CA10: variants seen among roughly 807,000 people sequenced by gnomAD.
CA10 encodes carbonic anhydrase 10 (inactive).
CA10 carries 14 observed loss-of-function variants against 44.2 expected under a neutral mutation model. The ratio of observed to expected loss-of-function variants is 0.32; its 90% CI spans 0.21 to 0.50. The LOEUF is 0.50. Ranked by LOEUF, CA10 falls within the 20% of genes least tolerant of loss-of-function variation. The probability of loss-of-function intolerance (pLI) is 0.99; values close to 1 mark genes in which losing one functional copy is unlikely to be tolerated. For synonymous variants in CA10, 159 were observed against 141.6 expected (o/e 1.12, Z -0.87); for missense variants, 350 against 409.7 (o/e 0.85, Z 1.26).
chr17:52,078,522 T>C (rs975539804), intron 1 of CA10, among the ~76,000 whole-genome samples: 8 of 152,196 alleles, frequency 5.3e-5, no homozygotes, highest in Non-Finnish European at 2.9e-5. Flanking sequence ...AATGTAATGG[T>C]AGAAGCCCTG....
At chr17:51,919,173 T>G (rs951947946) in intron 3 of CA10, among the ~76,000 whole-genome samples, 1 of 152,192 alleles carries the variant, frequency 6.6e-6, no homozygotes, top group African/African-American at 2.4e-5. Flanking sequence ...TATTATTTAT[T>G]TTTATTTTAA....
At chr17:51,992,831 T>C (rs952389892) in intron 2 of CA10, among the ~76,000 whole-genome samples, 19 of 152,118 alleles carry the variant, frequency 1.2e-4, no homozygotes, top group African/African-American at 4.6e-4. Flanking sequence ...GCATCCTCAA[T>C]ACCCTCTCAG....
intron 4 of CA10, among the ~76,000 whole-genome samples, chr17:51,738,872 C>T (rs1408469246): frequency 6.6e-6 from 1 of 152,166 alleles, no homozygotes; most frequent in Non-Finnish European, 1.5e-5. Flanking sequence ...TAAAAATCCC[C>T]AATTAAGAGT....
chr17:52,152,127 A>C (rs915504348), intron 1 of CA10, among the ~76,000 whole-genome samples: 2 of 151,976 alleles, frequency 1.3e-5, no homozygotes, highest in African/African-American at 4.8e-5. Flanking sequence ...AAAAAATTCC[A>C]ACTCAACTGT....
rs1017840551 is a variant in CA10, at chr17:51,940,012, A to G, written c.137-8880T>C. Among the ~76,000 whole-genome samples the G allele has an allele frequency of 2.6e-5, 4 of 152,018 alleles. No individual in the cohort carries two copies. In the South Asian group the frequency reaches 8.3e-4, roughly 32 times the overall value. ...TGTTTTTCTTACATTTTTATAAAAT[A>G]TTTTTATTGTTATACTTTTTACAAC... On this transcript the variant is annotated intron_variant, in intron 2 of 8. Transcript: ENST00000451037.
rs562339481 is a variant in CA10, at chr17:51,736,062, T to C, written c.465+11571A>G. On this transcript the variant is annotated intron_variant, in intron 4 of 8. Transcript: ENST00000451037. The stretch of plus-strand genomic sequence containing the variant: ...TTGTACAGTTTAAATTCTTAAATTT[T>C]TTTTGTATGCAAACCATACCTCAAC... Among the ~76,000 whole-genome samples the C allele has an allele frequency of 4.6e-5, 7 of 152,278 alleles. No homozygotes were observed. In the East Asian group the frequency reaches 7.7e-4, roughly 17 times the overall value.
At chr17:51,896,707 T>C (rs1410927273) in intron 3 of CA10, among the ~76,000 whole-genome samples, 1 of 152,130 alleles carries the variant, frequency 6.6e-6, no homozygotes, top group African/African-American at 2.4e-5. Context: ...ACCAGCAGTG[T>C]ATAAGCATTC....
At position 52,038,774 on chromosome 17, in the gene CA10, TAC is replaced by T. The variant is rs772123285; in HGVS notation, c.136+33543_136+33544del. On this transcript the variant is annotated intron_variant, in intron 2 of 8. Coordinates refer to ENST00000451037, the MANE Select transcript of CA10 (RefSeq NM_020178.5). ...AGGACTCCTGACTTCCTCCCTGCTC[TAC>T]ACTCTTTAAACATTTCTCTTGCCAA... Among the ~76,000 whole-genome samples, 35 of 152,324 alleles carry T rather than the reference TAC, an allele frequency of 2.3e-4. 1 individual carries two copies. The East Asian group carries it at 4.8e-3, about 21-fold the overall frequency.
intron 3 of CA10, among the ~76,000 whole-genome samples, chr17:51,912,840 C>A (rs557400923): frequency 1.3e-5 from 2 of 152,170 alleles, no homozygotes; most frequent in African/African-American, 4.8e-5. Context: ...TTTGAAAAGC[C>A]TTGGTAACAA....
chr17:51,692,916 G>T lies in CA10; in HGVS notation c.466-39180C>A, dbSNP rs571301079. Among the ~76,000 whole-genome samples the T allele has an allele frequency of 4.6e-5, 7 of 152,274 alleles. No individual in the cohort carries two copies. In the East Asian group the frequency reaches 1.4e-3, roughly 29 times the overall value. ...GGCTGTCCACGACCAGCTTCAACTT[G>T]TTTCCACTGGTTTTGAATGGTCTTG... On this transcript the variant is annotated intron_variant, in intron 4 of 8. Transcript: ENST00000451037.
chr17:51,662,168 G>T (rs1310958212), intron 4 of CA10, among the ~76,000 whole-genome samples: 1 of 152,202 alleles, frequency 6.6e-6, no homozygotes, highest in Non-Finnish European at 1.5e-5. Flanking sequence ...TCCTTTAAAT[G>T]ATGATGATTA....
chr17:52,058,926 A>G (rs541794635), intron 2 of CA10, among the ~76,000 whole-genome samples: 4 of 152,198 alleles, frequency 2.6e-5, no homozygotes, highest in African/African-American at 9.6e-5. Flanking sequence ...ATTTATTCTG[A>G]TTTGTATACC....
chr17:51,841,034 G>C (rs890184557), intron 3 of CA10, among the ~76,000 whole-genome samples: 1 of 151,862 alleles, frequency 6.6e-6, no homozygotes, highest in African/African-American at 2.4e-5. Flanking sequence ...AGATGGTAAC[G>C]GCCTTCAGTT....
intron 1 of CA10, among the ~76,000 whole-genome samples, chr17:52,137,883 C>T (rs1989394061): frequency 6.6e-6 from 1 of 152,116 alleles, no homozygotes; most frequent in South Asian, 2.1e-4. Context: ...TTCTAGCTTT[C>T]CTTCACCACA....
chr17:52,068,734 T>C (rs2191411), intron 2 of CA10, among the ~76,000 whole-genome samples: 150,563 of 152,310 alleles, frequency 0.99, 74,438 homozygotes, highest in East Asian at 1. Context: ...ATAGAAGATA[T>C]GGGTTTTTCT....
chr17:52,083,348 T>C (rs1277744050), intron 1 of CA10, among the ~76,000 whole-genome samples: 1 of 152,182 alleles, frequency 6.6e-6, no homozygotes, highest in Non-Finnish European at 1.5e-5. Flanking sequence ...CATGGCACCC[T>C]GGGGTTAAAT....
chr17:51,831,658 GAAAAGA>G (rs1159207776), intron 3 of CA10, among the ~76,000 whole-genome samples: 1 of 114,574 alleles, frequency 8.7e-6, no homozygotes, highest in East Asian at 2.8e-4. Flanking sequence ...GTTCCAAGGA[GAAAAGA>G]AAAAGCAGCA....
At chr17:52,021,977 T>C (rs763046492) in intron 2 of CA10, among the ~76,000 whole-genome samples, 1 of 151,934 alleles carries the variant, frequency 6.6e-6, no homozygotes, top group African/African-American at 2.4e-5. Context: ...ACCAGACATA[T>C]GAAGAAGAGC....
At chr17:51,716,199 C>T (rs1262187809) in intron 4 of CA10, among the ~76,000 whole-genome samples, 2 of 152,064 alleles carry the variant, frequency 1.3e-5, no homozygotes, top group Non-Finnish European at 2.9e-5. Flanking sequence ...TGGGGACGGT[C>T]CCCTGGGTCA....
Sources: gnomAD v4.1 joint callset for allele counts (sites outside exome capture counted in the v4.1 genomes callset) on GRCh38, gnomAD v4.1.1 for gene constraint, MANE v1.5 for transcripts, NCBI Gene and HGNC (gene_info 2026-07-23, HGNC 2026-07-21) for gene names.